Variants in FRMD5 observed in about 807,000 individuals in gnomAD.
FRMD5 encodes the protein FERM domain containing 5.
In FRMD5, 20 loss-of-function variants were observed where a neutral mutation model predicts 69.0. The ratio of observed to expected loss-of-function variants is 0.29; its 90% CI spans 0.20 to 0.42. The LOEUF (loss-of-function observed/expected upper bound fraction) is 0.42. FRMD5 is among the 10% of genes least tolerant of loss of function. FRMD5 has a pLI of 1.00. For synonymous variants in FRMD5, 271 were observed against 260.1 expected (o/e 1.04, Z -0.40); for missense variants, 595 against 708.6 (o/e 0.84, Z 1.82).
At chr15:43,913,029 A>G (rs1955287161) in intron 4 of FRMD5, among the ~76,000 whole-genome samples, 1 of 144,348 alleles carries the variant, frequency 6.9e-6, no homozygotes, top group Non-Finnish European at 1.5e-5. Flanking sequence ...GCAAAACTCC[A>G]TCTCAAAAAA....
intron 1 of FRMD5, among the ~76,000 whole-genome samples, chr15:44,153,489 C>G (rs2077478491): frequency 6.6e-6 from 1 of 152,066 alleles, no homozygotes; most frequent in African/African-American, 2.4e-5. Flanking sequence ...CTGTATGATT[C>G]CATTTATATG....
intron 1 of FRMD5, among the ~76,000 whole-genome samples, chr15:44,032,698 TATAAC>T (rs1891735783): frequency 6.6e-6 from 1 of 152,022 alleles, no homozygotes; most frequent in African/African-American, 2.4e-5. Context: ...AAAGTCAAAA[TATAAC>T]AGATACTTGT....
At chr15:44,149,357 G>C (rs1212426507) in intron 1 of FRMD5, among the ~76,000 whole-genome samples, 1 of 151,804 alleles carries the variant, frequency 6.6e-6, no homozygotes, top group African/African-American at 2.4e-5. Context: ...ACAGAAATGA[G>C]AGATTTTTAA....
intron 1 of FRMD5, among the ~76,000 whole-genome samples, chr15:44,102,984 A>G (rs1272006289): frequency 6.6e-6 from 1 of 152,254 alleles, no homozygotes; most frequent in African/African-American, 2.4e-5. Context: ...GCCTACACTC[A>G]TAACCTTGGG....
intron 4 of FRMD5, among the ~76,000 whole-genome samples, chr15:43,918,031 T>A (rs1369761206): frequency 1.3e-5 from 2 of 152,246 alleles, no homozygotes; most frequent in African/African-American, 4.8e-5. Context: ...TTTGTACTGA[T>A]AATGCCTGCT....
At chr15:44,030,005 A>T (rs943201096) in intron 1 of FRMD5, among the ~76,000 whole-genome samples, 2 of 152,154 alleles carry the variant, frequency 1.3e-5, no homozygotes, top group Non-Finnish European at 2.9e-5. Flanking sequence ...CTGGTAATTA[A>T]AGAATAAGTG....
chr15:43,876,577 T>C (rs1335738927), intron 13 of FRMD5, among the ~76,000 whole-genome samples: 1 of 152,214 alleles, frequency 6.6e-6, no homozygotes, highest in Non-Finnish European at 1.5e-5. Flanking sequence ...CTAACTGGGT[T>C]TCATCAAATA....
chr15:43,900,825 T>G (rs1216349610), intron 7 of FRMD5, among the ~76,000 whole-genome samples: 4 of 152,090 alleles, frequency 2.6e-5, no homozygotes, highest in South Asian at 4.2e-4. Context: ...CATCATGTTG[T>G]CCAGGATGGT....
intron 13 of FRMD5, among the ~76,000 whole-genome samples, chr15:43,881,431 T>C (rs994195330): frequency 6.6e-6 from 1 of 152,226 alleles, no homozygotes; most frequent in African/African-American, 2.4e-5. Context: ...CTGTGTCTCA[T>C]GATGGTCATA....
At chr15:43,881,054 G>A (rs1038550583) in intron 13 of FRMD5, among the ~76,000 whole-genome samples, 1 of 152,172 alleles carries the variant, frequency 6.6e-6, no homozygotes, top group Non-Finnish European at 1.5e-5. Context: ...TACACAGAGA[G>A]CCTCAGCCCT....
intron 5 of FRMD5, among the ~76,000 whole-genome samples, chr15:43,906,570 T>C (rs1185082439): frequency 6.6e-6 from 1 of 152,058 alleles, no homozygotes; most frequent in Admixed American, 6.6e-5. Flanking sequence ...AACTAGAAAG[T>C]ATCGTTGAGT....
intron 1 of FRMD5, among the ~76,000 whole-genome samples, chr15:44,114,115 A>G (rs2140606170): frequency 6.6e-6 from 1 of 152,342 alleles, no homozygotes; most frequent in East Asian, 1.9e-4. Flanking sequence ...ACATATATAA[A>G]GACGTAACCT....
chr15:44,150,615 C>G (rs189038857), intron 1 of FRMD5, among the ~76,000 whole-genome samples: 2 of 150,440 alleles, frequency 1.3e-5, no homozygotes, highest in Admixed American at 1.3e-4. Flanking sequence ...GACCCTGTCT[C>G]TACAAAATTC....
rs117555588 is a variant in FRMD5 at position 43,996,188 on chromosome 15, G to T, written c.103-71879C>A. 3.0e-3 allele frequency among the ~76,000 whole-genome samples: 454 copies of T among 152,032 alleles called. 11 individuals carry two copies. The East Asian group carries it at 0.051, about 17-fold the overall frequency. Reference sequence around the variant, plus strand: ...CTGCAGGGGCTGGCCTGGAGGCAGGGTCCACTGAGCAGGCCTGGAGCCTGG... The same window carrying T: ...CTGCAGGGGCTGGCCTGGAGGCAGGTTCCACTGAGCAGGCCTGGAGCCTGG... On this transcript the variant is annotated intron_variant, in intron 1 of 13. Coordinates refer to ENST00000417257, the MANE Select transcript of FRMD5 (RefSeq NM_032892.5).
At chr15:43,934,427 T>C (rs1359173014) in intron 1 of FRMD5, among the ~76,000 whole-genome samples, 2 of 152,188 alleles carry the variant, frequency 1.3e-5, no homozygotes, top group Non-Finnish European at 1.5e-5. Flanking sequence ...CCCAGGTCCA[T>C]CTTCTAAACA....
At chr15:44,162,344 C>G (rs1034916505) in intron 1 of FRMD5, among the ~76,000 whole-genome samples, 1 of 148,782 alleles carries the variant, frequency 6.7e-6, no homozygotes, top group Non-Finnish European at 1.5e-5. Context: ...TCAAGCAATT[C>G]TCCCACATCG....
At chr15:44,112,799 A>C (rs1156789024) in intron 1 of FRMD5, among the ~76,000 whole-genome samples, 1 of 151,152 alleles carries the variant, frequency 6.6e-6, no homozygotes, top group Non-Finnish European at 1.5e-5. Context: ...GTTTCACCAT[A>C]TTGGCCAGGC....
intron 1 of FRMD5, among the ~76,000 whole-genome samples, chr15:43,974,937 G>C (rs781074774): frequency 6.6e-6 from 1 of 152,190 alleles, no homozygotes; most frequent in Non-Finnish European, 1.5e-5. Flanking sequence ...CAGAGTTGTT[G>C]AGCAATTTGC....
rs189189843 is a variant in FRMD5, at chr15:43,950,560, C to T, written c.103-26251G>A. 7.2e-5 allele frequency among the ~76,000 whole-genome samples: 11 copies of T among 152,300 alleles called. No individual in the cohort carries two copies. In the South Asian group the frequency reaches 2.1e-3, roughly 29 times the overall value. On this transcript the variant is annotated intron_variant, in intron 1 of 13. Transcript: ENST00000417257. ...GTGGGCAGGGATGCATTAAGAGAGA[C>T]ACCGACTGAGCCTCTCTTAACCTCA...
Sources: allele counts gnomAD v4.1 joint callset (sites outside exome capture counted in the v4.1 genomes callset), GRCh38; gene constraint gnomAD v4.1.1; transcripts MANE v1.5; gene names NCBI Gene and HGNC (gene_info 2026-07-23, HGNC 2026-07-21).